The following CNGB3 variants were observed in gnomAD, a reference collection of about 807,000 sequenced individuals.
CNGB3 encodes cyclic nucleotide gated channel subunit beta 3, also known as cyclic nucleotide-gated channel beta-3.
In CNGB3, 86 loss-of-function variants were observed where a neutral mutation model predicts 92.8. The ratio of observed to expected loss-of-function variants is 0.93; its 90% CI spans 0.78 to 1.11. The LOEUF is 1.11. Among genes scored for constraint, CNGB3 ranks in the 50% least tolerant of loss-of-function variants. The probability of loss-of-function intolerance (pLI) is 0.00; values close to 1 mark genes in which losing one functional copy is unlikely to be tolerated. For synonymous variants in CNGB3, 333 were observed against 332.7 expected (o/e 1.00, Z -0.01); for missense variants, 1,026 against 956.8 (o/e 1.07, Z -0.95).
chr8:86,588,862 T>G (rs200500506), intron 15 of CNGB3, among the ~76,000 whole-genome samples: 5 of 151,328 alleles, frequency 3.3e-5, no homozygotes, highest in Admixed American at 6.6e-5. Flanking sequence ...TAAAATGAGT[T>G]AGAGAGGATT....
chr8:86,640,855 C>T (rs562148945), intron 10 of CNGB3, among the ~76,000 whole-genome samples: 1 of 152,032 alleles, frequency 6.6e-6, no homozygotes, highest in South Asian at 2.1e-4. Flanking sequence ...TAATTTACTG[C>T]ACATATTTGT....
At chr8:86,583,658 G>A (rs1185048196) in intron 15 of CNGB3, among the ~76,000 whole-genome samples, 6 of 152,128 alleles carry the variant, frequency 3.9e-5, no homozygotes, top group Admixed American at 6.6e-5. Context: ...GGTGACTCAC[G>A]CATGTAATCT....
chr8:86,659,431 G>A (rs1402978719), intron 6 of CNGB3: 2 of 669,620 alleles, frequency 3.0e-6, no homozygotes, highest in Middle Eastern at 3.7e-4. Flanking sequence ...CCTCCAAGTT[G>A]AGCTGGATTC....
At chr8:86,615,738 T>C (rs1822607808) in intron 13 of CNGB3, among the ~76,000 whole-genome samples, 1 of 152,022 alleles carries the variant, frequency 6.6e-6, no homozygotes, top group Non-Finnish European at 1.5e-5. Context: ...CCTACAAAAA[T>C]CTAAACACAC....
chr8:86,707,131 C>G (rs2131653946), intron 3 of CNGB3, among the ~76,000 whole-genome samples: 1 of 152,244 alleles, frequency 6.6e-6, no homozygotes, highest in Admixed American at 6.5e-5. Flanking sequence ...CTAAAAGGCT[C>G]CCATCCATCC....
chr8:86,689,616 G>T (rs571231861), intron 3 of CNGB3, among the ~76,000 whole-genome samples: 1 of 150,704 alleles, frequency 6.6e-6, no homozygotes, highest in Non-Finnish European at 1.5e-5. Flanking sequence ...CAACGTGCAG[G>T]TTTGTTACAT....
In CNGB3 at chr8:86,666,926, A is replaced by G. The variant is rs758442588; in HGVS notation, c.851T>C (p.Ile284Thr). The G allele has an allele frequency of 1.2e-5, 19 of 1,611,154 alleles. No individual in the cohort carries two copies. Among genetic ancestry groups the G allele is most frequent in the Non-Finnish European group, 4.2e-6 (5 of 1,178,974 alleles). Residue 284 changes from isoleucine (I) to threonine (T), a missense_variant and splice_region_variant, in exon 6 of 18, where the codon ATA (isoleucine) becomes ACA (threonine). Transcript: ENST00000320005. ...CTGCCTTTCCCGAACCCCACTTACTATTATGTCTCCTCCTCTTACAAACTG... is the reference window on the plus strand; with the variant it reads ...CTGCCTTTCCCGAACCCCACTTACTGTTATGTCTCCTCCTCTTACAAACTG... ...RLQFVRGGDI[I>T]VDSNELRKHY...
intron 7 of CNGB3, among the ~76,000 whole-genome samples, chr8:86,653,485 C>T (rs2131602494): frequency 6.6e-6 from 1 of 152,114 alleles, no homozygotes; most frequent in East Asian, 1.9e-4. Flanking sequence ...ATTGGGTAAA[C>T]CTAAATAACC....
chr8:86,657,959 C>T (rs187156490), intron 6 of CNGB3: 76 of 553,578 alleles, frequency 1.4e-4, no homozygotes, highest in Admixed American at 1.3e-3. Flanking sequence ...TCACTGATGA[C>T]GTCTGTCTCT....
intron 3 of CNGB3, among the ~76,000 whole-genome samples, chr8:86,715,884 GT>G (rs1427655788): frequency 6.7e-6 from 1 of 150,316 alleles, no homozygotes; most frequent in Non-Finnish European, 1.5e-5. Context: ...TAAATGACAA[GT>G]TAATGGGTGC....
In CNGB3 at chr8:86,643,190, T is replaced by A. The variant is rs556297540; in HGVS notation, c.1178+561A>T. On this transcript the variant is annotated intron_variant, in intron 10 of 17. Coordinates refer to ENST00000320005, the MANE Select transcript of CNGB3 (RefSeq NM_019098.5). ...TATCTTCTTTCATTTAAAAATGTAT[T>A]GACTTACTAAAGAGGTTTTTCAGCT... Among the ~76,000 whole-genome samples the A allele has an allele frequency of 2.6e-5, 4 of 151,380 alleles. No homozygotes were observed. In the East Asian group the frequency reaches 7.7e-4, roughly 29 times the overall value.
At chr8:86,618,604 A>G (rs1032133328) in intron 13 of CNGB3, among the ~76,000 whole-genome samples, 1 of 152,166 alleles carries the variant, frequency 6.6e-6, no homozygotes, top group African/African-American at 2.4e-5. Context: ...AGTGCTTTAG[A>G]CAGGTCAACT....
chr8:86,594,840 C>T (rs1246791064), intron 15 of CNGB3, among the ~76,000 whole-genome samples: 1 of 152,198 alleles, frequency 6.6e-6, no homozygotes, highest in Non-Finnish European at 1.5e-5. Context: ...TCCCGAGTAG[C>T]TGGGATTACC....
At chr8:86,677,603 A>C (rs976915799) in intron 3 of CNGB3, among the ~76,000 whole-genome samples, 1 of 152,218 alleles carries the variant, frequency 6.6e-6, no homozygotes, top group Non-Finnish European at 1.5e-5. Flanking sequence ...GAATTTACTG[A>C]CATTTACGGC....
intron 15 of CNGB3, among the ~76,000 whole-genome samples, chr8:86,596,850 A>G (rs970300914): frequency 1.3e-5 from 2 of 152,242 alleles, no homozygotes; most frequent in African/African-American, 4.8e-5. Context: ...GCAGCCATAA[A>G]AAAGGATGAG....
intron 14 of CNGB3, among the ~76,000 whole-genome samples, chr8:86,604,769 G>A (rs1822381320): frequency 6.6e-6 from 1 of 152,092 alleles, no homozygotes; most frequent in African/African-American, 2.4e-5. Context: ...GGGACTCTTG[G>A]GACCAGGGCA....
intron 15 of CNGB3, among the ~76,000 whole-genome samples, chr8:86,591,874 C>G (rs11989840): frequency 0.22 from 32,977 of 151,522 alleles, 5,341 homozygotes; most frequent in African/African-American, 0.47. Flanking sequence ...CCACCCAGTT[C>G]GAGCTTCTGG....
At chr8:86,650,946 A>T (rs1306779257) in intron 7 of CNGB3, among the ~76,000 whole-genome samples, 2 of 151,828 alleles carry the variant, frequency 1.3e-5, no homozygotes, top group Non-Finnish European at 3.0e-5. Flanking sequence ...GATAAAGAAA[A>T]TTTGGCATAT....
intron 6 of CNGB3, chr8:86,662,028 G>A: frequency 2.8e-6 from 1 of 352,214 alleles, no homozygotes; most frequent in Admixed American, 4.3e-5. Context: ...CAGGAGACTG[G>A]CCCAGGTGCA....
Sources: gnomAD v4.1 joint callset for allele counts (sites outside exome capture counted in the v4.1 genomes callset) on GRCh38, gnomAD v4.1.1 for gene constraint, MANE v1.5 for transcripts, NCBI Gene and HGNC (gene_info 2026-07-23, HGNC 2026-07-21) for gene names.